The following INTS1 variants were observed in gnomAD, a reference collection of about 807,000 sequenced individuals.
INTS1 encodes integrator complex subunit 1.
In INTS1, 137 loss-of-function variants were observed where a neutral mutation model predicts 241.6. The ratio of observed to expected loss-of-function variants is 0.57; its 90% CI spans 0.49 to 0.65. INTS1 has a LOEUF of 0.65. Ranked by LOEUF, INTS1 falls within the 30% of genes least tolerant of loss-of-function variation. INTS1 has a pLI of 0.00. For missense variants in INTS1, 3,073 were observed against 3,032.2 expected, an observed-to-expected ratio of 1.01 and a Z score of -0.32; for synonymous variants, 1,692 against 1,337.8, an observed-to-expected ratio of 1.26 and a Z score of -5.78.
rs1431830203 is a variant in INTS1 at position 1,497,357 on chromosome 7, T to C, written c.1426-43A>G. 2 of 1,576,416 alleles carry C rather than the reference T, an allele frequency of 1.3e-6. No individual in the cohort carries two copies. Among genetic ancestry groups the C allele is most frequent in the East Asian group, 2.3e-5 (1 of 44,282 alleles). ...CGCGTGGGAGGCTGCCCGACAGTGC[T>C]GTCCCTGTCACAGGCCCCTTCCCGC... is the stretch of plus-strand genomic sequence containing the variant. On this transcript the variant is annotated intron_variant, in intron 10 of 47. Transcript: ENST00000404767. The surrounding 1 kb of genome is among the most constrained non-coding windows in gnomAD (Gnocchi z 5.3).
chr7:1,470,833 G>T lies in INTS1; in HGVS notation c.6457+13C>A, dbSNP rs776987164. 2 of 1,568,700 alleles carry T rather than the reference G, an allele frequency of 1.3e-6. No homozygotes were observed. The highest frequency in any genetic ancestry group is 1.7e-6 in the Non-Finnish European group (2 of 1,156,320). ...AGGGCTGCCAGGGCCCTGGGCGGGG[G>T]GCCAGTCCTCACCTTGGCACAGGAG... On this transcript the variant is annotated intron_variant, in intron 47 of 47. Transcript: ENST00000404767.
At chr7:1,502,527 G>A (rs1783238386) in intron 3 of INTS1, among the ~76,000 whole-genome samples, 1 of 152,190 alleles carries the variant, frequency 6.6e-6, no homozygotes, top group South Asian at 2.1e-4. Context: ...CTCCGCTCAG[G>A]TTGAGAGAGG....
intron 18 of INTS1, 126 bp downstream of exon 18, chr7:1,489,218 G>C: frequency 1.4e-6 from 1 of 695,950 alleles, no homozygotes; most frequent in Non-Finnish European, 2.4e-6. Flanking sequence ...AGGTCCATGA[G>C]TCAACAGAAG....
Position 1,495,455 on chromosome 7 carries a change from C to T in INTS1, c.1810G>A (p.Ala604Thr). 1.9e-6 allele frequency: 3 copies of T among 1,612,378 alleles called. No homozygotes were observed. The highest frequency in any genetic ancestry group is 1.1e-5 in the South Asian group (1 of 91,074). ...HTVVPSISKL[A>T]PKDYVHCLHK... ...CACCAGTGCACGTAGTCCTTAGGGG[C>T]GAGCTTGCTGATGGAGGGGACCACA... The change falls in exon 13 of 48, where the codon GCC becomes ACC. Residue 604 changes from alanine to threonine, a missense_variant. Coordinates refer to ENST00000404767, the MANE Select transcript of INTS1 (RefSeq NM_001080453.3).
rs781463073 is a variant in INTS1, at chr7:1,478,864, C to A, written c.4351G>T (p.Gly1451Cys). The A allele has an allele frequency of 5.6e-6, 9 of 1,609,672 alleles. No homozygotes were observed. In the African/African-American group the frequency reaches 1.2e-4, roughly 21 times the overall value. ...ACCTTCAGGAAGAGCGAGGAGAAGC[C>A]GGTGTCCTGTGGCACACAGCGCTGC... ...QYQRCVPQDT[G>C]FSSLFLKVLL... Residue 1451 changes from glycine to cysteine, a missense_variant, in exon 32 of 48, where the codon GGC becomes TGC. Physicochemically the swap from Gly to Cys is radical, Grantham distance 159. Coordinates refer to ENST00000404767, the MANE Select transcript of INTS1 (RefSeq NM_001080453.3).
At chr7:1,474,508 G>A (rs371254536) in intron 40 of INTS1, 148 bp from the exon 41 acceptor site, 115 of 1,140,580 alleles carry the variant, frequency 1.0e-4, no homozygotes, top group Non-Finnish European at 1.3e-4. Context: ...GGATGAGATC[G>A]CCCCTCTCTG....
Position 1,474,757 on chromosome 7 carries a change from C to T in INTS1, c.5584G>A (p.Ala1862Thr). The part of the protein sequence containing the change: ...SRALENRGAD[A>T]SMACRKLAVA... ...GCCAGCTTCCGGCAGGCCATGCTGGCATCCGCCCCTCGGTTCTCCAACGCC... is the reference window on the plus strand; with the variant it reads ...GCCAGCTTCCGGCAGGCCATGCTGGTATCCGCCCCTCGGTTCTCCAACGCC... Residue 1862 changes from alanine to threonine, a missense_variant, in exon 40 of 48, where the codon GCC becomes ACC. Coordinates refer to ENST00000404767, the MANE Select transcript of INTS1 (RefSeq NM_001080453.3). 2.6e-6 allele frequency: 4 copies of T among 1,568,168 alleles called. No homozygotes were observed. Among genetic ancestry groups the T allele is most frequent in the Non-Finnish European group, 3.5e-6 (4 of 1,158,802 alleles).
chr7:1,487,174 G>A (rs1359502534), intron 20 of INTS1, 73 bp from the exon 21 acceptor site: 45 of 1,518,166 alleles, frequency 3.0e-5, no homozygotes, highest in African/African-American at 1.5e-4. Context: ...CCGGGTGACC[G>A]CGGAGCCGGA....
In INTS1 at chr7:1,486,697, C is replaced by T. The variant is rs759044009; in HGVS notation, c.2904G>A (p.Thr968=). The change falls in exon 22 of 48, where the codon ACG becomes ACA. Residue 968 remains threonine (T), a synonymous_variant. Coordinates refer to ENST00000404767, the MANE Select transcript of INTS1 (RefSeq NM_001080453.3). ...GCAAGAAGTAGTCCAGCACCTCACA[C>T]GTGGTCTGCTCATCAGCCTTCGGGC... The part of the protein sequence containing the change: ...LLGPKADEQT[T]CEVLDYFLRR... 8 of 1,612,680 alleles carry T rather than the reference C, an allele frequency of 5.0e-6. No homozygotes were observed. In the South Asian group the frequency reaches 5.5e-5, roughly 11 times the overall value.
At position 1,481,354 on chromosome 7, in the gene INTS1, T is replaced by C; in HGVS notation, c.3838A>G (p.Ile1280Val). 6.2e-7 allele frequency: 1 copy of C among 1,612,954 alleles called. No individual in the cohort carries two copies. The highest frequency in any genetic ancestry group is 8.5e-7 in the Non-Finnish European group (1 of 1,179,754). The change falls in exon 28 of 48, where the codon ATC (isoleucine) becomes GTC (valine). Residue 1280 changes from isoleucine (I) to valine (V), a missense_variant. By Grantham distance (29) the Ile-to-Val change is conservative (BLOSUM62 3). Transcript: ENST00000404767. The surrounding 1 kb of genome is among the most constrained non-coding windows in gnomAD (Gnocchi z 6.8). The stretch of plus-strand genomic sequence containing the variant: ...CCTGGCATCTTACTCTTGTCCATGA[T>C]GTTCTGCTCCAGAGTCTGGGGGTCG... ...AHDPQTLEQN[I>V]MDKNYMAHLV... is the part of the protein sequence containing the mutation.
In INTS1 at chr7:1,471,633, C is replaced by A; in HGVS notation, c.6193G>T (p.Glu2065Ter). 1.9e-6 allele frequency: 3 copies of A among 1,612,290 alleles called. No individual in the cohort carries two copies. The highest frequency in any genetic ancestry group is 2.5e-6 in the Non-Finnish European group (3 of 1,179,782). Residue 2065 changes from glutamate (E) to a stop codon, truncating the protein, a stop_gained, in exon 45 of 48, where the codon GAG becomes TAG. Transcript: ENST00000404767. LOFTEE classifies it high-confidence loss of function. Reference protein sequence around the residue: ...SRGQTVEDLLEVLSDIDEMSR... With the variant: ...SRGQTVEDLL ...ATCTCGTCTATGTCACTCAGAACCT[C>A]CAGCAGATCTGACACAGAGAGAGGG...
At chr7:1,472,000 C>A (rs936714797) in intron 44 of INTS1, among the ~76,000 whole-genome samples, 11 of 152,334 alleles carry the variant, frequency 7.2e-5, no homozygotes, top group Admixed American at 5.9e-4. Context: ...ACCCGCCTGA[C>A]CTCTTCCTGC....
intron 43 of INTS1, among the ~76,000 whole-genome samples, 191 bp downstream of exon 43, chr7:1,472,881 A>G (rs977545444): frequency 6.6e-6 from 1 of 152,100 alleles, no homozygotes; most frequent in Non-Finnish European, 1.5e-5. Context: ...AGGTGTGCTG[A>G]TGCTCTGTCA....
In INTS1 at chr7:1,480,823, C is replaced by T. The variant is rs1214744608; in HGVS notation, c.3949+12G>A. The T allele has an allele frequency of 6.5e-7, 1 of 1,547,352 alleles. No individual in the cohort carries two copies. Among genetic ancestry groups the T allele is most frequent in the Non-Finnish European group, 8.7e-7 (1 of 1,145,566 alleles). ...GCTGGGTCTCTGTGCTGGCCCCACC[C>T]CTCCCCAGTACCTCGGCGGGGCGGC... On this transcript the variant is annotated intron_variant, in intron 29 of 47. Coordinates refer to ENST00000404767, the MANE Select transcript of INTS1 (RefSeq NM_001080453.3).
At position 1,477,936 on chromosome 7, in the gene INTS1, A is replaced by G; in HGVS notation, c.4631T>C (p.Val1544Ala). Residue 1544 changes from valine to alanine, a missense_variant and splice_region_variant, in exon 34 of 48, where the codon GTC becomes GCC. By Grantham distance (64) the Val-to-Ala change is moderately conservative (BLOSUM62 0). Transcript: ENST00000404767. ...CCTCACCTCGATCAGCCCCTGGAGG[A>G]CTGCGCAAGGGACAAAGAGACATGT... ...CSVEPDLISK[V>A]LQGLIEVRSP... 6.2e-7 allele frequency: 1 copy of G among 1,612,416 alleles called. No individual in the cohort carries two copies. The highest frequency in any genetic ancestry group is 8.5e-7 in the Non-Finnish European group (1 of 1,179,720).
chr7:1,502,866 G>C (rs370499438), intron 3 of INTS1, 35 bp downstream of exon 3: 2 of 1,609,366 alleles, frequency 1.2e-6, no homozygotes, highest in African/African-American at 1.3e-5. Context: ...CATGAGCTGA[G>C]GGGTGTTCTC....
chr7:1,494,434 T>C, intron 14 of INTS1: 1 of 312,858 alleles, frequency 3.2e-6, no homozygotes, highest in South Asian at 3.3e-5. Flanking sequence ...GACAGAGCTG[T>C]GAGGCCAGCC....
Position 1,489,670 on chromosome 7 carries a change from C to T in INTS1, c.2178G>A (p.Pro726=), listed in dbSNP as rs542331846. ...AGTAGAGGGTAGAGATGGCGAGGTTCGGAGGCTGGTACCTGGAAGGCAGGG... is the reference window on the plus strand; with the variant it reads ...AGTAGAGGGTAGAGATGGCGAGGTTTGGAGGCTGGTACCTGGAAGGCAGGG... ...NIQLPPGYQP[P]NLAISTLYWK... is the part of the protein sequence containing the mutation. The change falls in exon 17 of 48, where the codon CCG becomes CCA. Residue 726 remains proline (P), a synonymous_variant. Coordinates refer to ENST00000404767, the MANE Select transcript of INTS1 (RefSeq NM_001080453.3). 73 of 1,556,824 alleles carry T rather than the reference C, an allele frequency of 4.7e-5. No individual in the cohort carries two copies. The highest frequency in any genetic ancestry group is 1.1e-4 in the African/African-American group (8 of 73,454).
rs371034721 is a variant in INTS1 at position 1,489,594 on chromosome 7, T to C, written c.2254A>G (p.Ile752Val). Residue 752 changes from isoleucine to valine, a missense_variant, in exon 17 of 48, where the codon ATC becomes GTC. Transcript: ENST00000404767. ...LVVAAFNPEN[I>V]GLAAWEEYPT... ...GGGGCGGCCAGCAGAGGCTCACCGA[T>C]GTTCTCTGGGTTGAATGCGGCGACG... is the stretch of plus-strand genomic sequence containing the variant. 4.4e-6 allele frequency: 7 copies of C among 1,581,392 alleles called. No individual in the cohort carries two copies. Among genetic ancestry groups the C allele is most frequent in the Non-Finnish European group, 6.0e-6 (7 of 1,162,266 alleles).
Sources: allele counts gnomAD v4.1 joint callset (sites outside exome capture counted in the v4.1 genomes callset), GRCh38; gene constraint gnomAD v4.1.1; non-coding constraint Gnocchi (gnomAD v3.1); transcripts MANE v1.5; gene names NCBI Gene and HGNC (gene_info 2026-07-23, HGNC 2026-07-21).